EYS: variants seen among roughly 807,000 people sequenced by gnomAD.
EYS encodes EGF-like photoreceptor maintenance factor.
EYS carries 250 observed loss-of-function variants against 282.1 expected under a neutral mutation model. The observed-to-expected ratio is 0.89, with a 90% CI of 0.80 to 0.98. The LOEUF is 0.98. EYS is among the 50% of genes least tolerant of loss of function. The probability of loss-of-function intolerance (pLI) is 0.00; values close to 1 mark genes in which losing one functional copy is unlikely to be tolerated. For synonymous variants in EYS, 1,355 were observed against 1,282.9 expected (o/e 1.06, Z -1.20); for missense variants, 4,016 against 3,709.0 (o/e 1.08, Z -2.15).
rs143613676 is a variant in EYS, at chr6:63,933,204, G to T, written c.7055+51179C>A. ...AAGCCCTCTGAATCCTGTTCTTTTG[G>T]TTTTTTTTAAACATTTATTTTTATT... On this transcript the variant is annotated intron_variant, in intron 35 of 42. Coordinates refer to ENST00000503581, the MANE Select transcript of EYS (RefSeq NM_001142800.2). 4.1e-3 allele frequency among the ~76,000 whole-genome samples: 627 copies of T among 151,930 alleles called. 5 individuals are homozygous for T. In the East Asian group the frequency reaches 0.042, roughly 10 times the overall value.
At chr6:65,615,551 T>G (rs1256658167) in intron 2 of EYS, among the ~76,000 whole-genome samples, 1 of 151,998 alleles carries the variant, frequency 6.6e-6, no homozygotes, top group Non-Finnish European at 1.5e-5. Context: ...TATTATGTTT[T>G]CTTGAGACCA....
chr6:64,736,974 G>A lies in EYS; in HGVS notation c.3443+76404C>T, dbSNP rs533752957. On this transcript the variant is annotated intron_variant, in intron 22 of 42. Coordinates refer to ENST00000503581, the MANE Select transcript of EYS (RefSeq NM_001142800.2). ...TTATCATTTTATATTACCTTATGAT[G>A]TTTCATTGTGTATTTTCATTTTATA... Among the ~76,000 whole-genome samples, 18 of 152,206 alleles carry A rather than the reference G, an allele frequency of 1.2e-4. 2 individuals carry two copies. The highest frequency in any genetic ancestry group is 4.1e-4 in the African/African-American group (17 of 41,542).
intron 12 of EYS, among the ~76,000 whole-genome samples, chr6:65,266,939 GAT>G (rs10571040): frequency 0.39 from 54,792 of 139,680 alleles, 11,325 homozygotes; most frequent in African/African-American, 0.58. Context: ...CACAAACATT[GAT>G]ATATATATAT....
Position 63,726,573 on chromosome 6 carries a change from G to A in EYS, c.8179C>T (p.Leu2727Phe), listed in dbSNP as rs1164162441. The A allele has an allele frequency of 4.5e-6, 7 of 1,551,294 alleles. No homozygotes were observed. The highest frequency in any genetic ancestry group is 6.1e-6 in the Non-Finnish European group (7 of 1,146,814). Residue 2727 changes from leucine to phenylalanine, a missense_variant, in exon 42 of 43, where the codon CTC (leucine) becomes TTC (phenylalanine). By Grantham distance (22) the Leu-to-Phe change is conservative. Coordinates refer to ENST00000503581, the MANE Select transcript of EYS (RefSeq NM_001142800.2). ...KTHIQLQFQP[L>F]AADGILFYAA... ...TAAAATAGGATACCATCTGCAGCGA[G>A]AGGCTGAAACTGCAATTGAATATGT...
chr6:64,186,846 A>G (rs1417120052), intron 31 of EYS, among the ~76,000 whole-genome samples: 1 of 152,156 alleles, frequency 6.6e-6, no homozygotes, highest in Non-Finnish European at 1.5e-5. Flanking sequence ...AAAACTGATT[A>G]GTAAAAGTGA....
chr6:64,950,811 A>ATATG (rs1199161985), intron 14 of EYS, among the ~76,000 whole-genome samples: 2 of 104,048 alleles, frequency 1.9e-5, no homozygotes, highest in Non-Finnish European at 4.3e-5. Flanking sequence ...ATATATATAT[A>ATATG]TATATATATA....
chr6:64,926,912 A>G (rs576549975), intron 15 of EYS, among the ~76,000 whole-genome samples: 1 of 152,354 alleles, frequency 6.6e-6, no homozygotes, highest in African/African-American at 2.4e-5. Context: ...GCAAATATAA[A>G]GACTATACAG....
At position 64,151,330 on chromosome 6, in the gene EYS, TA is replaced by T. The variant is rs1457003226; in HGVS notation, c.6425-69329del. On this transcript the variant is annotated intron_variant, in intron 31 of 42. Coordinates refer to ENST00000503581, the MANE Select transcript of EYS (RefSeq NM_001142800.2). ...GTGTGTGTATATTTATATATATATATATATATATATATATATATATATATAT... is the reference window on the plus strand; with the variant it reads ...GTGTGTGTATATTTATATATATATATTATATATATATATATATATATATAT... Among the ~76,000 whole-genome samples the T allele has an allele frequency of 3.7e-4, 36 of 97,570 alleles. 2 individuals carry two copies. Among genetic ancestry groups the T allele is most frequent in the African/African-American group, 1.8e-3 (32 of 17,460 alleles). The allele number at this position is 97,570 out of a possible 152,430, so 64.0% of individuals were successfully genotyped here.
intron 30 of EYS, among the ~76,000 whole-genome samples, chr6:64,293,073 T>A (rs1266763516): frequency 6.6e-6 from 1 of 152,070 alleles, no homozygotes; most frequent in African/African-American, 2.4e-5. Context: ...AAGCAGAGAC[T>A]ATAACAAAAA....
chr6:65,091,626 C>A (rs73765758), intron 12 of EYS, among the ~76,000 whole-genome samples: 1 of 151,894 alleles, frequency 6.6e-6, no homozygotes, highest in Non-Finnish European at 1.5e-5. Flanking sequence ...TTAATCTTCA[C>A]GTAGTTTGAG....
intron 12 of EYS, among the ~76,000 whole-genome samples, chr6:65,123,729 T>C (rs1451597280): frequency 6.6e-6 from 1 of 150,636 alleles, no homozygotes; most frequent in Non-Finnish European, 1.5e-5. Flanking sequence ...TCTTAATCTT[T>C]CACCAGCTGA....
chr6:65,035,528 T>C, intron 13 of EYS, among the ~76,000 whole-genome samples: 1 of 152,084 alleles, frequency 6.6e-6, no homozygotes, highest in East Asian at 1.9e-4. Context: ...CTAGTATTTT[T>C]ATACACCAAT....
intron 8 of EYS, among the ~76,000 whole-genome samples, chr6:65,381,434 G>A (rs1765606803): frequency 6.6e-6 from 1 of 151,972 alleles, no homozygotes; most frequent in South Asian, 2.1e-4. Context: ...CATGGAGATA[G>A]GGAGGGAAAT....
intron 28 of EYS, among the ~76,000 whole-genome samples, chr6:64,397,756 T>C (rs1401222850): frequency 6.6e-6 from 1 of 151,936 alleles, no homozygotes; most frequent in Admixed American, 6.6e-5. Flanking sequence ...TGTTTTCTAC[T>C]TCATTGACTT....
chr6:65,142,200 C>A (rs768854563), intron 12 of EYS, among the ~76,000 whole-genome samples: 2 of 151,860 alleles, frequency 1.3e-5, no homozygotes, highest in African/African-American at 4.8e-5. Context: ...CAAATATACA[C>A]AAGAACAGTT....
intron 12 of EYS, among the ~76,000 whole-genome samples, chr6:65,242,289 A>G (rs1767076702): frequency 6.6e-6 from 1 of 152,038 alleles, no homozygotes; most frequent in South Asian, 2.1e-4. Context: ...TTCAGTTCCC[A>G]TCTCCCCATC....
At chr6:64,033,698 A>C (rs1031764184) in intron 33 of EYS, among the ~76,000 whole-genome samples, 1 of 152,106 alleles carries the variant, frequency 6.6e-6, no homozygotes, top group African/African-American at 2.4e-5. Flanking sequence ...CTACAAAAAC[A>C]AATTTAAAAT....
chr6:64,874,117 AG>A (rs1351083699), intron 19 of EYS, among the ~76,000 whole-genome samples: 1 of 152,122 alleles, frequency 6.6e-6, no homozygotes, highest in Non-Finnish European at 1.5e-5. Context: ...CAGTGCAGAA[AG>A]GCACTTTGTT....
chr6:64,591,326 T>C lies in EYS; in HGVS notation c.4541A>G (p.His1514Arg), dbSNP rs1217629945. The part of the protein sequence containing the change: ...QVTILNSSAL[H>R]RFSTKAFNPS... ...ATTGAAGGCTTTTGTACTGAACCGG[T>C]GCAGAGCTGATGAGTTTAAGATGGT... The change falls in exon 26 of 43, where the codon CAC becomes CGC. Residue 1514 changes from histidine (H) to arginine (R), a missense_variant. By Grantham distance (29) the His-to-Arg change is conservative (BLOSUM62 0). Coordinates refer to ENST00000503581, the MANE Select transcript of EYS (RefSeq NM_001142800.2). The C allele has an allele frequency of 6.4e-7, 1 of 1,551,410 alleles. No homozygotes were observed.
Sources: gnomAD v4.1 joint callset for allele counts (sites outside exome capture counted in the v4.1 genomes callset) on GRCh38, gnomAD v4.1.1 for gene constraint, MANE v1.5 for transcripts, NCBI Gene and HGNC (gene_info 2026-07-23, HGNC 2026-07-21) for gene names.